The following LOC128125818 variants were observed in gnomAD, a reference collection of about 807,000 sequenced individuals.
the LOC128125818 span, among the ~76,000 whole-genome samples, chr4:6,068,702 T>G: frequency 3.9e-5 from 6 of 151,958 alleles, no homozygotes; most frequent in Non-Finnish European, 7.4e-5. Context: ...GGATTACAGG[T>G]GCGTGCCACC....
chr4:6,065,243 G>T, the LOC128125818 span, among the ~76,000 whole-genome samples: 5 of 152,200 alleles, frequency 3.3e-5, no homozygotes, highest in Non-Finnish European at 7.3e-5. This position sits in a 1 kb window ranked among gnomAD's most constrained non-coding sequence, Gnocchi z 5.1. Context: ...CCTGGTCCTG[G>T]CTCTGGCTCT....
the LOC128125818 span, among the ~76,000 whole-genome samples, chr4:6,066,845 A>T: frequency 1.3e-5 from 2 of 152,054 alleles, no homozygotes; most frequent in South Asian, 4.2e-4. Context: ...GCCCTACAGG[A>T]TCCACCTCCC....
chr4:6,066,785 G>A, the LOC128125818 span, among the ~76,000 whole-genome samples: 1 of 151,976 alleles, frequency 6.6e-6, no homozygotes. Flanking sequence ...CTCTCTCTCT[G>A]GAATTATTAA....
chr4:6,069,842 T>C, the LOC128125818 span, among the ~76,000 whole-genome samples: 1 of 151,886 alleles, frequency 6.6e-6, no homozygotes, highest in African/African-American at 2.4e-5. The surrounding 1 kb of genome is among the most constrained non-coding windows in gnomAD (Gnocchi z 4.5). Flanking sequence ...ACAGAGGTGC[T>C]CTTCCTCAGC....
At chr4:6,067,724 AC>A in the LOC128125818 span, among the ~76,000 whole-genome samples, 9 of 148,514 alleles carry the variant, frequency 6.1e-5, no homozygotes, top group East Asian at 2.0e-4. This position sits in a 1 kb window ranked among gnomAD's most constrained non-coding sequence, Gnocchi z 4.6. Context: ...CCTGAGCTCC[AC>A]GTTCACTCAA....
At chr4:6,065,543 AGTACTCTGAC>A in the LOC128125818 span, among the ~76,000 whole-genome samples, 3 of 152,224 alleles carry the variant, frequency 2.0e-5, no homozygotes, top group Non-Finnish European at 2.9e-5. This position sits in a 1 kb window ranked among gnomAD's most constrained non-coding sequence, Gnocchi z 5.1. Flanking sequence ...CCATAGTCCT[AGTACTCTGAC>A]TAGTGTGGCA....
chr4:6,065,868 G>A, the LOC128125818 span, among the ~76,000 whole-genome samples: 3 of 152,164 alleles, frequency 2.0e-5, no homozygotes, highest in East Asian at 5.8e-4. This position sits in a 1 kb window ranked among gnomAD's most constrained non-coding sequence, Gnocchi z 5.1. Context: ...GGCAGGCCTG[G>A]GGAATACAAT....
At chr4:6,068,153 AGG>A in the LOC128125818 span, among the ~76,000 whole-genome samples, 6 of 152,180 alleles carry the variant, frequency 3.9e-5, no homozygotes, top group African/African-American at 1.4e-4. Context: ...GCCCTAATAC[AGG>A]GCATTAACTA....
chr4:6,070,108 G>A, the LOC128125818 span: 4 of 398,806 alleles, frequency 1.0e-5, no homozygotes, highest in Non-Finnish European at 1.8e-5. Flanking sequence ...AGGCACACCA[G>A]GGCACAGAGA....
chr4:6,065,092 AG>A, the LOC128125818 span: 8 of 1,545,370 alleles, frequency 5.2e-6, no homozygotes, highest in African/African-American at 1.4e-5. The surrounding 1 kb of genome is among the most constrained non-coding windows in gnomAD (Gnocchi z 5.1). Flanking sequence ...ATGCCAGTGC[AG>A]GGGGGTGATG....
the LOC128125818 span, among the ~76,000 whole-genome samples, chr4:6,067,198 AG>A: frequency 6.6e-6 from 1 of 152,158 alleles, no homozygotes; most frequent in Non-Finnish European, 1.5e-5. The surrounding 1 kb of genome is among the most constrained non-coding windows in gnomAD (Gnocchi z 4.6). Context: ...CCATGAAGAC[AG>A]GGGGTTGGCC....
the LOC128125818 span, among the ~76,000 whole-genome samples, chr4:6,069,131 G>T: frequency 6.6e-6 from 1 of 152,134 alleles, no homozygotes; most frequent in Admixed American, 6.5e-5. This position sits in a 1 kb window ranked among gnomAD's most constrained non-coding sequence, Gnocchi z 4.5. Flanking sequence ...TTCAAAAAAT[G>T]CAGGAAATAA....
chr4:6,065,097 G>C, the LOC128125818 span: 2 of 1,513,130 alleles, frequency 1.3e-6, no homozygotes, highest in East Asian at 2.3e-5. This position sits in a 1 kb window ranked among gnomAD's most constrained non-coding sequence, Gnocchi z 5.1. Flanking sequence ...AGTGCAGGGG[G>C]GTGATGATTG....
the LOC128125818 span, among the ~76,000 whole-genome samples, chr4:6,066,988 C>T: frequency 6.6e-6 from 1 of 152,152 alleles, no homozygotes. Context: ...CCTAGATTCC[C>T]TTAGGTCTCT....
At chr4:6,065,906 C>T in the LOC128125818 span, among the ~76,000 whole-genome samples, 1 of 152,212 alleles carries the variant, frequency 6.6e-6, no homozygotes. The surrounding 1 kb of genome is among the most constrained non-coding windows in gnomAD (Gnocchi z 5.1). Flanking sequence ...AGGTCCCTGC[C>T]CCAAGGAGCT....
chr4:6,067,729 CACTCA>C, the LOC128125818 span, among the ~76,000 whole-genome samples: 1 of 150,220 alleles, frequency 6.7e-6, no homozygotes, highest in African/African-American at 2.5e-5. The surrounding 1 kb of genome is among the most constrained non-coding windows in gnomAD (Gnocchi z 4.6). Context: ...GCTCCACGTT[CACTCA>C]AGCTCTTCTG....
At chr4:6,069,045 C>T in the LOC128125818 span, among the ~76,000 whole-genome samples, 2 of 152,020 alleles carry the variant, frequency 1.3e-5, no homozygotes, top group African/African-American at 4.8e-5. The surrounding 1 kb of genome is among the most constrained non-coding windows in gnomAD (Gnocchi z 4.5). Flanking sequence ...AAAATAGAAA[C>T]AATATATTAA....
the LOC128125818 span, chr4:6,069,949 T>A: frequency 2.5e-6 from 1 of 392,698 alleles, no homozygotes; most frequent in Non-Finnish European, 4.5e-6. This position sits in a 1 kb window ranked among gnomAD's most constrained non-coding sequence, Gnocchi z 4.5. Context: ...CTTCTCACCT[T>A]CCTATCATTT....
chr4:6,066,565 G>A, the LOC128125818 span, among the ~76,000 whole-genome samples: 27 of 151,976 alleles, frequency 1.8e-4, no homozygotes, highest in Non-Finnish European at 3.2e-4. Flanking sequence ...CCCCAACACC[G>A]CACCTCCCGC....
Sources: allele counts gnomAD v4.1 joint callset (sites outside exome capture counted in the v4.1 genomes callset), GRCh38; gene constraint gnomAD v4.1.1; non-coding constraint Gnocchi (gnomAD v3.1); transcripts MANE v1.5.